PCDHA6: variants seen among roughly 807,000 people sequenced by gnomAD.
The protein encoded by PCDHA6 is protocadherin alpha 6, also known as protocadherin alpha-6.
PCDHA6 carries 55 observed loss-of-function variants against 60.3 expected under a neutral mutation model. The ratio of observed to expected loss-of-function variants is 0.91; its 90% confidence interval spans 0.73 to 1.14. PCDHA6 has a LOEUF of 1.14. PCDHA6 is among the 50% of genes most tolerant of loss of function. The pLI is 0.00. For missense variants in PCDHA6, 1,327 were observed against 1,256.5 expected, an observed-to-expected ratio of 1.06 and a Z score of -0.85; for synonymous variants, 652 against 557.9, an observed-to-expected ratio of 1.17 and a Z score of -2.38.
At chr5:140,908,804 T>C (rs1157142483) in intron 1 of PCDHA6, among the ~76,000 whole-genome samples, 2 of 152,162 alleles carry the variant, frequency 1.3e-5, no homozygotes, top group African/African-American at 4.8e-5. Context: ...CATTAAAAAG[T>C]GAGAGCCTTT....
chr5:140,834,262 C>A, intron 1 of PCDHA6: 2 of 985,850 alleles, frequency 2.0e-6, no homozygotes, highest in Non-Finnish European at 3.0e-6. Context: ...ACGCTCCACT[C>A]TCTTTCACTC....
chr5:140,957,021 T>C (rs1431974405), intron 1 of PCDHA6, among the ~76,000 whole-genome samples: 3 of 152,182 alleles, frequency 2.0e-5, no homozygotes, highest in Non-Finnish European at 2.9e-5. Context: ...AGTGAGCATT[T>C]AGATATTTAT....
At chr5:140,869,004 T>C in intron 1 of PCDHA6, 1 of 1,521,534 alleles carries the variant, frequency 6.6e-7, no homozygotes, top group Non-Finnish European at 8.8e-7. Context: ...AAGGATCCTT[T>C]GAAACTTCTT....
At chr5:140,893,892 C>A (rs1554185839) in intron 1 of PCDHA6, among the ~76,000 whole-genome samples, 1 of 152,184 alleles carries the variant, frequency 6.6e-6, no homozygotes, top group Non-Finnish European at 1.5e-5. Flanking sequence ...CAGAAAGTTA[C>A]TTTACCTTCT....
At chr5:140,986,019 G>A (rs562523452) in intron 3 of PCDHA6, among the ~76,000 whole-genome samples, 66 of 152,154 alleles carry the variant, frequency 4.3e-4, no homozygotes, top group Middle Eastern at 3.4e-3. Flanking sequence ...GATTACAGGC[G>A]TGAGCCACTG....
At chr5:140,895,116 T>C (rs2064856298) in intron 1 of PCDHA6, among the ~76,000 whole-genome samples, 1 of 152,182 alleles carries the variant, frequency 6.6e-6, no homozygotes, top group African/African-American at 2.4e-5. Flanking sequence ...AAGAAGACAT[T>C]TGTTAGTTGA....
intron 1 of PCDHA6, chr5:140,854,286 T>C: frequency 3.8e-6 from 2 of 522,000 alleles, no homozygotes; most frequent in Non-Finnish European, 4.9e-6. Context: ...AGTTTAGTTT[T>C]TATTATTTTG....
At chr5:140,969,210 C>G in intron 1 of PCDHA6, 1 of 1,614,184 alleles carries the variant, frequency 6.2e-7, no homozygotes, top group Non-Finnish European at 8.5e-7. Context: ...GGGGCCCAGA[C>G]AGGACCAGGG....
At chr5:140,997,603 C>T (rs781897268) in intron 3 of PCDHA6, among the ~76,000 whole-genome samples, 2 of 151,824 alleles carry the variant, frequency 1.3e-5, no homozygotes, top group African/African-American at 2.4e-5. Flanking sequence ...GATTATGGGG[C>T]GCATGACTAT....
At chr5:140,928,890 CTT>C in intron 1 of PCDHA6, 1 of 1,614,182 alleles carries the variant, frequency 6.2e-7, no homozygotes, top group South Asian at 1.1e-5. Context: ...TACTTCCAGA[CTT>C]TGAAGATGTC....
In PCDHA6 at chr5:140,829,696, G is replaced by T. The variant is rs2150172625; in HGVS notation, c.1605G>T (p.Val535=). The T allele has an allele frequency of 1.4e-5, 22 of 1,613,156 alleles. No individual in the cohort carries two copies. The South Asian group carries it at 2.1e-4, about 15-fold the overall frequency. The change falls in exon 1 of 4, where the codon GTG becomes GTT. Residue 535 remains valine (V), a synonymous_variant. Transcript: ENST00000529310. ...HEELELLQFQ[V]SARDAGVPPL... ...AGCTAGAGCTGCTGCAGTTTCAGGTGAGCGCGCGCGACGCGGGCGTGCCGC... is the reference window on the plus strand; with the variant it reads ...AGCTAGAGCTGCTGCAGTTTCAGGTTAGCGCGCGCGACGCGGGCGTGCCGC...
At chr5:140,984,751 T>A (rs2097118127) in intron 3 of PCDHA6, among the ~76,000 whole-genome samples, 1 of 152,158 alleles carries the variant, frequency 6.6e-6, no homozygotes. Context: ...CAGATTTGAG[T>A]TGAATTCTAA....
chr5:140,965,857 A>G (rs1563345275), intron 1 of PCDHA6, among the ~76,000 whole-genome samples: 1 of 152,220 alleles, frequency 6.6e-6, no homozygotes, highest in South Asian at 2.1e-4. Context: ...GCACACACTG[A>G]AAATAAGGGC....
chr5:140,960,875 A>G (rs2095577090), intron 1 of PCDHA6, among the ~76,000 whole-genome samples: 1 of 152,220 alleles, frequency 6.6e-6, no homozygotes, highest in African/African-American at 2.4e-5. Context: ...TAGCTGAAAT[A>G]CACACTAATG....
At chr5:140,871,305 G>C (rs782666863) in intron 1 of PCDHA6, 2 of 1,613,874 alleles carry the variant, frequency 1.2e-6, no homozygotes, top group East Asian at 4.5e-5. Context: ...GCGCGCCGGG[G>C]AAGCCCACGC....
intron 1 of PCDHA6, chr5:140,877,884 C>T: frequency 6.8e-7 from 1 of 1,465,050 alleles, no homozygotes; most frequent in Non-Finnish European, 9.0e-7. Context: ...CCTTGAAGAA[C>T]TTCCGTTTAG....
chr5:140,887,074 G>T (rs1554182860), intron 1 of PCDHA6, among the ~76,000 whole-genome samples: 2 of 151,506 alleles, frequency 1.3e-5, no homozygotes, highest in Non-Finnish European at 2.9e-5. Flanking sequence ...AATTCACTCA[G>T]CTTTTGTCTG....
At chr5:140,981,041 A>C (rs72802989) in intron 2 of PCDHA6, among the ~76,000 whole-genome samples, 7,382 of 152,278 alleles carry the variant, frequency 0.048, 205 homozygotes, top group Non-Finnish European at 0.065. Context: ...GGGAAAAAAA[A>C]CAGATAATTC....
At chr5:140,969,010 A>C (rs782688503) in intron 1 of PCDHA6, 2 of 1,614,168 alleles carry the variant, frequency 1.2e-6, no homozygotes, top group Admixed American at 3.3e-5. Context: ...TCTGTGGAGT[A>C]AGGGAAAGGT....
Sources: gnomAD v4.1 joint callset for allele counts (sites outside exome capture counted in the v4.1 genomes callset) on GRCh38, gnomAD v4.1.1 for gene constraint, MANE v1.5 for transcripts, NCBI Gene and HGNC (gene_info 2026-07-23, HGNC 2026-07-21) for gene names.